Variants in MYH9 observed in about 807,000 individuals in gnomAD.
The protein encoded by MYH9 is myosin heavy chain 9, also known as myosin-9.
In MYH9, 29 loss-of-function variants were observed where a neutral mutation model predicts 241.9. The observed-to-expected ratio is 0.12, with a 90% CI of 0.09 to 0.16. The LOEUF (loss-of-function observed/expected upper bound fraction) is 0.16, where lower values mean the gene tolerates loss of function less well. Among genes scored for constraint, MYH9 ranks in the 10% least tolerant of loss-of-function variants. The probability of loss-of-function intolerance (pLI) is 1.00; values close to 1 mark genes in which losing one functional copy is unlikely to be tolerated. For synonymous variants in MYH9, 1,047 were observed against 1,062.6 expected (o/e 0.99, Z 0.29); for missense variants, 1,803 against 2,595.5 (o/e 0.69, Z 6.63).
intron 3 of MYH9, among the ~76,000 whole-genome samples, chr22:36,332,745 A>C (rs1263067352): frequency 6.6e-6 from 1 of 151,088 alleles, no homozygotes; most frequent in Non-Finnish European, 1.5e-5. Context: ...GGCCCCAAAC[A>C]AGCCTTCTCT....
rs761140571 is a variant in MYH9 at position 36,295,454 on chromosome 22, GGCCCCCCTGGCT to G, written c.3485+39_3485+50del. The G allele has an allele frequency of 1.3e-6, 2 of 1,518,396 alleles. No homozygotes were observed. The highest frequency in any genetic ancestry group is 1.1e-5 in the South Asian group (1 of 87,992). 94.1% of individuals were successfully genotyped at this position (1,518,396 alleles called of 1,614,324 possible). On this transcript the variant is annotated intron_variant, in intron 26 of 40. Coordinates refer to ENST00000216181, the MANE Select transcript of MYH9 (RefSeq NM_002473.6). The surrounding 1 kb of genome is among the most constrained non-coding windows in gnomAD (Gnocchi z 4.1). ...CCCGGGGTCCATGTCTCCAAGCCAA[GGCCCCCCTGGCT>G]GCCCTCCCCATCCCGAGGGACTTGG...
At chr22:36,341,622 C>A in intron 2 of MYH9, 96 bp from the exon 3 acceptor site, 1 of 1,382,094 alleles carries the variant, frequency 7.2e-7, no homozygotes, top group Non-Finnish European at 1.0e-6. Flanking sequence ...TCAAAGGACC[C>A]CTGAGTCAGC....
chr22:36,365,453 C>T (rs1426691391), intron 1 of MYH9, among the ~76,000 whole-genome samples: 1 of 152,092 alleles, frequency 6.6e-6, no homozygotes, highest in Non-Finnish European at 1.5e-5. Flanking sequence ...TTATCTTAAG[C>T]TGTAATTTTT....
At chr22:36,325,695 C>T (rs1349896915) in intron 5 of MYH9, among the ~76,000 whole-genome samples, 1 of 152,198 alleles carries the variant, frequency 6.6e-6, no homozygotes, top group Non-Finnish European at 1.5e-5. Flanking sequence ...TCCACCGTGC[C>T]GGGGTCAGGT....
rs552860903 is a variant in MYH9 at position 36,366,934 on chromosome 22, G to A, written c.-19-17679C>T. On this transcript the variant is annotated intron_variant, in intron 1 of 40. Transcript: ENST00000216181. Reference sequence around the variant, plus strand: ...GCTGCATCCGTTATGCGACACTCACGTGTGCACACTCTACAAATGGAAAAC... The same window carrying A: ...GCTGCATCCGTTATGCGACACTCACATGTGCACACTCTACAAATGGAAAAC... Among the ~76,000 whole-genome samples, 13 of 152,014 alleles carry A rather than the reference G, an allele frequency of 8.6e-5. No homozygotes were observed. The South Asian group carries it at 1.2e-3, about 15-fold the overall frequency.
In MYH9 at chr22:36,295,004, C is replaced by T. The variant is rs1359538370; in HGVS notation, c.3558G>A (p.Gln1186=). The change falls in exon 27 of 41, where the codon CAG becomes CAA. Residue 1186 remains glutamine, a synonymous_variant. Coordinates refer to ENST00000216181, the MANE Select transcript of MYH9 (RefSeq NM_002473.6). This position sits in a 1 kb window ranked among gnomAD's most constrained non-coding sequence, Gnocchi z 4.1. The stretch of plus-strand genomic sequence containing the variant: ...AGTGCTTCTGCCTCATCTCCTGGAT[C>T]TGGGCCTCGTGGGTCTTGGCCTCCT... The part of the protein sequence containing the change: ...LEEEAKTHEA[Q]IQEMRQKHSQ... 2 of 1,614,108 alleles carry T rather than the reference C, an allele frequency of 1.2e-6. No homozygotes were observed. Among genetic ancestry groups the T allele is most frequent in the Non-Finnish European group, 1.7e-6 (2 of 1,180,050 alleles).
At chr22:36,347,125 T>G (rs907345660) in intron 2 of MYH9, among the ~76,000 whole-genome samples, 31 of 152,132 alleles carry the variant, frequency 2.0e-4, no homozygotes, top group African/African-American at 7.5e-4. Flanking sequence ...GACAGGACTT[T>G]GTGACCCCAG....
chr22:36,378,839 G>A (rs1006240113), intron 1 of MYH9, among the ~76,000 whole-genome samples: 1 of 152,052 alleles, frequency 6.6e-6, no homozygotes, highest in African/African-American at 2.4e-5. Context: ...AAAAAAGAGA[G>A]TCACCATTTA....
intron 3 of MYH9, among the ~76,000 whole-genome samples, chr22:36,340,377 T>C (rs762220574): frequency 6.6e-6 from 1 of 151,604 alleles, no homozygotes; most frequent in South Asian, 2.1e-4. Flanking sequence ...AAGAGTAAAG[T>C]TGGCCAGGCA....
At position 36,288,780 on chromosome 22, in the gene MYH9, G is replaced by C. The variant is rs769457174; in HGVS notation, c.4717C>G (p.Leu1573Val). The change falls in exon 33 of 41, where the codon CTG becomes GTG. Residue 1573 changes from leucine (L) to valine (V), a missense_variant. By Grantham distance (32) the Leu-to-Val change is conservative. This residue lies in a region of MYH9 where 876 missense variants were observed against 1,077.8 expected (regional missense o/e 0.81). Transcript: ENST00000216181. This position sits in a 1 kb window ranked among gnomAD's most constrained non-coding sequence, Gnocchi z 4.8. ...TCGCTCTGCTCGTCCCGGCCCTGCA[G>C]GTCCCGCTCGAACTGGGCCTTCATG... ...QAMKAQFERD[L>V]QGRDEQSEEK... is the part of the protein sequence containing the mutation. 21 of 1,611,200 alleles carry C rather than the reference G, an allele frequency of 1.3e-5. No homozygotes were observed. Among genetic ancestry groups the C allele is most frequent in the Non-Finnish European group, 1.6e-5 (19 of 1,179,998 alleles).
intron 18 of MYH9, 39 bp downstream of exon 18, chr22:36,304,994 C>T (rs370592492): frequency 1.2e-5 from 19 of 1,596,502 alleles, no homozygotes; most frequent in Non-Finnish European, 1.6e-5. Context: ...AGACAAGGGG[C>T]TGCCCATCCA....
At position 36,327,506 on chromosome 22, in the gene MYH9, T is replaced by A. The variant is rs372029456; in HGVS notation, c.491-18A>T. The A allele has an allele frequency of 4.2e-5, 68 of 1,613,678 alleles. No individual in the cohort carries two copies. Among genetic ancestry groups the A allele is most frequent in the Admixed American group, 1.2e-4 (7 of 59,984 alleles). On this transcript the variant is annotated intron_variant, in intron 3 of 40. Transcript: ENST00000216181. The stretch of plus-strand genomic sequence containing the variant: ...TTCTCGGTCTGAAACAAAGAAGACA[T>A]CAGATTAACTCCCGCCAGATGCAAA...
At position 36,341,532 on chromosome 22, in the gene MYH9, GA is replaced by G; in HGVS notation, c.334-7del. The G allele has an allele frequency of 6.2e-7, 1 of 1,613,720 alleles. No homozygotes were observed. Among genetic ancestry groups the G allele is most frequent in the East Asian group, 2.2e-5 (1 of 44,880 alleles). On this transcript the variant is annotated splice_region_variant and splice_polypyrimidine_tract_variant and intron_variant, in intron 2 of 40. Coordinates refer to ENST00000216181, the MANE Select transcript of MYH9 (RefSeq NM_002473.6). ...CAGAACAGGCCTGAATAGGTCTAAAGAAAAGAGCGGCAGATAGGAACAGGTT... is the reference window on the plus strand; with the variant it reads ...CAGAACAGGCCTGAATAGGTCTAAAGAAAGAGCGGCAGATAGGAACAGGTT...
At chr22:36,316,220 G>A (rs953975708) in intron 12 of MYH9, among the ~76,000 whole-genome samples, 17 of 151,832 alleles carry the variant, frequency 1.1e-4, no homozygotes, top group Non-Finnish European at 2.4e-4. Flanking sequence ...TTTTAGTAGA[G>A]ACGGGGTTTC....
chr22:36,310,414 T>C (rs2017043263), intron 14 of MYH9, among the ~76,000 whole-genome samples: 3 of 152,192 alleles, frequency 2.0e-5, no homozygotes, highest in Admixed American at 6.5e-5. Flanking sequence ...CTAAAATATA[T>C]ACTTAACAGA....
In MYH9 at chr22:36,293,946, G is replaced by T. The variant is rs2016747671; in HGVS notation, c.3838-83C>A. 2.0e-6 allele frequency: 3 copies of T among 1,473,782 alleles called. No homozygotes were observed. The highest frequency in any genetic ancestry group is 2.8e-6 in the Non-Finnish European group (3 of 1,072,282). 91.3% of individuals were successfully genotyped at this position (1,473,782 alleles called of 1,614,324 possible). On this transcript the variant is annotated intron_variant, in intron 28 of 40. Transcript: ENST00000216181. This position sits in a 1 kb window ranked among gnomAD's most constrained non-coding sequence, Gnocchi z 5.1. ...ACCTCATCTCCTTTAGGTAAAGCTG[G>T]ACCTGAGTCACAAGCTGAACCATGA...
At chr22:36,346,355 C>T (rs2017678264) in intron 2 of MYH9, among the ~76,000 whole-genome samples, 1 of 152,186 alleles carries the variant, frequency 6.6e-6, no homozygotes. Flanking sequence ...TACAATGGCC[C>T]ATGGCTCCCA....
At chr22:36,354,481 A>G (rs2017819853) in intron 1 of MYH9, among the ~76,000 whole-genome samples, 1 of 149,264 alleles carries the variant, frequency 6.7e-6, no homozygotes, top group Non-Finnish European at 1.5e-5. Flanking sequence ...GTCCCGCTCT[A>G]TCACCCAGGC....
At chr22:36,340,506 C>T (rs1193986148) in intron 3 of MYH9, among the ~76,000 whole-genome samples, 1 of 151,732 alleles carries the variant, frequency 6.6e-6, no homozygotes, top group African/African-American at 2.4e-5. Context: ...ACTAAAAATA[C>T]AAAAATTAGC....
Sources: allele counts gnomAD v4.1 joint callset (sites outside exome capture counted in the v4.1 genomes callset), GRCh38; gene constraint gnomAD v4.1.1; regional missense constraint gnomAD v4.1.1; non-coding constraint Gnocchi (gnomAD v3.1); transcripts MANE v1.5; gene names NCBI Gene and HGNC (gene_info 2026-07-23, HGNC 2026-07-21).